MGAT4C: variants seen among roughly 807,000 people sequenced by gnomAD.
The protein encoded by MGAT4C is alpha-1,3-mannosyl-glycoprotein 4-beta-N-acetylglucosaminyltransferase C.
A neutral mutation model predicts 40.1 loss-of-function variants in MGAT4C; 19 were observed. The ratio of observed to expected loss-of-function variants is 0.47; its 90% CI spans 0.33 to 0.70. MGAT4C has a LOEUF of 0.70. Ranked by LOEUF, MGAT4C falls within the 30% of genes least tolerant of loss-of-function variation. The probability of loss-of-function intolerance (pLI) is 0.02; values close to 1 mark genes in which losing one functional copy is unlikely to be tolerated. For missense variants in MGAT4C, 491 were observed against 563.2 expected (o/e 0.87, Z 1.30); for synonymous variants, 181 against 187.1 (o/e 0.97, Z 0.27).
intron 2 of MGAT4C, among the ~76,000 whole-genome samples, chr12:86,541,704 T>C (rs999909761): frequency 3.9e-5 from 6 of 152,230 alleles, no homozygotes; most frequent in African/African-American, 1.4e-4. Context: ...CTATTACAAA[T>C]GATAGGAACT....
chr12:86,437,311 T>C (rs1957153630), intron 2 of MGAT4C, among the ~76,000 whole-genome samples: 1 of 151,798 alleles, frequency 6.6e-6, no homozygotes, highest in Non-Finnish European at 1.5e-5. Flanking sequence ...TATATCTACA[T>C]ATACAAATAG....
At chr12:86,770,577 A>T (rs1659417562) in intron 1 of MGAT4C, among the ~76,000 whole-genome samples, 1 of 152,100 alleles carries the variant, frequency 6.6e-6, no homozygotes, top group Admixed American at 6.6e-5. Flanking sequence ...ATTTAAAAAT[A>T]ATTGTTGGCT....
intron 3 of MGAT4C, among the ~76,000 whole-genome samples, chr12:86,423,606 T>A: frequency 6.6e-6 from 1 of 152,220 alleles, no homozygotes; most frequent in East Asian, 1.9e-4. Flanking sequence ...AATAATTGAA[T>A]TATATTTTAA....
intron 2 of MGAT4C, among the ~76,000 whole-genome samples, chr12:86,584,277 T>C (rs1960916837): frequency 6.6e-6 from 1 of 150,892 alleles, no homozygotes; most frequent in Non-Finnish European, 1.5e-5. Context: ...ATAGAGAATT[T>C]AGGATGTCTC....
At chr12:86,427,976 T>C (rs61949521) in intron 3 of MGAT4C, among the ~76,000 whole-genome samples, 15,959 of 152,024 alleles carry the variant, frequency 0.1, 1,038 homozygotes, top group Middle Eastern at 0.25. Flanking sequence ...GCTGAGATCG[T>C]GTCCCTGCAC....
At chr12:86,586,308 C>A in intron 2 of MGAT4C, among the ~76,000 whole-genome samples, 1 of 91,494 alleles carries the variant, frequency 1.1e-5, no homozygotes, top group Middle Eastern at 4.6e-3. Flanking sequence ...GCATAGTATT[C>A]CATGGTGTAT....
chr12:86,065,263 G>C (rs1037048320), intron 1 of MGAT4C, among the ~76,000 whole-genome samples: 4 of 152,034 alleles, frequency 2.6e-5, no homozygotes, highest in African/African-American at 9.7e-5. Context: ...AACAAATAAC[G>C]AAAATTTCAG....
At chr12:86,350,189 T>C (rs1410580655) in intron 3 of MGAT4C, among the ~76,000 whole-genome samples, 1 of 152,062 alleles carries the variant, frequency 6.6e-6, no homozygotes, top group Non-Finnish European at 1.5e-5. Flanking sequence ...AACCCCAGAC[T>C]TTAACATATT....
At chr12:86,459,539 G>A (rs1957561707) in intron 2 of MGAT4C, among the ~76,000 whole-genome samples, 1 of 151,920 alleles carries the variant, frequency 6.6e-6, no homozygotes, top group African/African-American at 2.4e-5. Context: ...TCACTCATGC[G>A]GTCATAAGGA....
chr12:86,196,846 GATA>G (rs1178654573), intron 1 of MGAT4C, among the ~76,000 whole-genome samples: 1 of 152,168 alleles, frequency 6.6e-6, no homozygotes, highest in African/African-American at 2.4e-5. Context: ...TAGTTAGTCT[GATA>G]ATTTTCCAAA....
At chr12:86,820,435 G>T (rs1178223639) in intron 1 of MGAT4C, among the ~76,000 whole-genome samples, 1 of 150,772 alleles carries the variant, frequency 6.6e-6, no homozygotes, top group Admixed American at 6.6e-5. Context: ...TTTAACTTTC[G>T]ATTGACTTAT....
At chr12:86,050,528 C>T (rs193299423) in intron 1 of MGAT4C, among the ~76,000 whole-genome samples, 1 of 152,034 alleles carries the variant, frequency 6.6e-6, no homozygotes, top group East Asian at 1.9e-4. Flanking sequence ...TTAAGTAACT[C>T]TAAGTAGAAC....
intron 1 of MGAT4C, among the ~76,000 whole-genome samples, chr12:86,741,146 C>T (rs1445153306): frequency 6.6e-6 from 1 of 150,912 alleles, no homozygotes; most frequent in African/African-American, 2.4e-5. Flanking sequence ...TTATGTTCTC[C>T]ATACCCAAAA....
At chr12:86,598,318 C>T (rs529342246) in intron 2 of MGAT4C, among the ~76,000 whole-genome samples, 1 of 151,836 alleles carries the variant, frequency 6.6e-6, no homozygotes, top group East Asian at 1.9e-4. Context: ...TATACTTATT[C>T]CTTTCATTGA....
chr12:85,974,999 A>G lies in MGAT4C; in HGVS notation c.*4290T>C, dbSNP rs1184517213. ...GAGCTTAAGGTAGATTCTAAACAAC[A>G]TCTTAGAAACTAGGAAATGACTTTA... On this transcript the variant is annotated 3_prime_UTR_variant, in exon 5 of 5. Transcript: ENST00000611864. 6.6e-6 allele frequency: 1 copy of G among 150,724 alleles called. No homozygotes were observed. Among genetic ancestry groups the G allele is most frequent in the Non-Finnish European group, 1.5e-5 (1 of 67,024 alleles). 9.3% of individuals were successfully genotyped at this position (150,724 alleles called of 1,614,324 possible).
At chr12:86,511,067 C>A (rs1328687590) in intron 2 of MGAT4C, among the ~76,000 whole-genome samples, 1 of 152,118 alleles carries the variant, frequency 6.6e-6, no homozygotes, top group African/African-American at 2.4e-5. Context: ...CACACCTATT[C>A]CACAATTGAC....
At chr12:86,645,559 T>G (rs1438553920) in intron 2 of MGAT4C, among the ~76,000 whole-genome samples, 1 of 151,796 alleles carries the variant, frequency 6.6e-6, no homozygotes, top group African/African-American at 2.4e-5. Flanking sequence ...TTTCTATCCC[T>G]ATACTCTACA....
At position 86,014,572 on chromosome 12, in the gene MGAT4C, G is replaced by C. The variant is rs79944087; in HGVS notation, c.-6-25020C>G. 5.1e-3 allele frequency among the ~76,000 whole-genome samples: 778 copies of C among 152,264 alleles called. 27 individuals carry two copies. The South Asian group carries it at 0.082, about 16-fold the overall frequency. ...CGTCAGCCAGCCCTGTTCAGAGCTCGAGGGGGAGGTCCTTTCAGGCCAGGC... is the reference window on the plus strand; with the variant it reads ...CGTCAGCCAGCCCTGTTCAGAGCTCCAGGGGGAGGTCCTTTCAGGCCAGGC... On this transcript the variant is annotated intron_variant, in intron 2 of 4. Transcript: ENST00000611864.
intron 1 of MGAT4C, among the ~76,000 whole-genome samples, chr12:86,785,943 T>G (rs1951924760): frequency 6.6e-6 from 1 of 151,992 alleles, no homozygotes; most frequent in South Asian, 2.1e-4. Context: ...AAATTTCCAT[T>G]TATTCATTCT....
Sources: gnomAD v4.1 joint callset for allele counts (sites outside exome capture counted in the v4.1 genomes callset) on GRCh38, gnomAD v4.1.1 for gene constraint, MANE v1.5 for transcripts, NCBI Gene and HGNC (gene_info 2026-07-23, HGNC 2026-07-21) for gene names.